The following FRMD4B variants were observed in gnomAD, a reference collection of about 807,000 sequenced individuals.
FRMD4B encodes FERM domain containing 4B.
FRMD4B carries 74 observed loss-of-function variants against 141.5 expected under a neutral mutation model. The ratio of observed to expected loss-of-function variants is 0.52; its 90% CI spans 0.43 to 0.63. The LOEUF (loss-of-function observed/expected upper bound fraction) is 0.63, where lower values mean the gene tolerates loss of function less well. Ranked by LOEUF, FRMD4B falls within the 30% of genes least tolerant of loss-of-function variation. FRMD4B has a pLI of 0.00. For synonymous variants in FRMD4B, 506 were observed against 467.9 expected (o/e 1.08, Z -1.05); for missense variants, 1,366 against 1,253.4 (o/e 1.09, Z -1.36).
chr3:69,177,969 A>T (rs1353937661), intron 21 of FRMD4B, among the ~76,000 whole-genome samples: 3 of 152,182 alleles, frequency 2.0e-5, no homozygotes, highest in Admixed American at 6.5e-5. Flanking sequence ...ACAGGAAGGA[A>T]TTCAGGAAGA....
At position 69,536,418 on chromosome 3, in the gene FRMD4B, C is replaced by A. The variant is rs989939377; in HGVS notation, c.-129+5788G>T. The A allele has an allele frequency of 7.2e-5, 51 of 712,980 alleles. 1 individual carries two copies. Among genetic ancestry groups the A allele is most frequent in the Non-Finnish European group, 1.2e-4 (45 of 388,786 alleles). The allele number at this position is 712,980 out of a possible 1,614,324, so 44.2% of individuals were successfully genotyped here. A position where few individuals can be genotyped will look rare whatever the true frequency, so the allele number is the denominator to read the frequency against. ...TGGCCAGCGCCTGCTTCAGCAGATA[C>A]CTGAAGCGGAGGACGTCCACCGTTG... is the stretch of plus-strand genomic sequence containing the variant. On this transcript the variant is annotated intron_variant, in intron 1 of 5. Coordinates refer to the FRMD4B transcript ENST00000459638.
chr3:69,435,392 T>C (rs1448837546), intron 1 of FRMD4B, among the ~76,000 whole-genome samples: 6 of 152,024 alleles, frequency 3.9e-5, no homozygotes, highest in Admixed American at 3.9e-4. Context: ...GGCCATTTAA[T>C]AAACCTTGGT....
chr3:69,182,977 A>G (rs898945656), intron 19 of FRMD4B, among the ~76,000 whole-genome samples: 10 of 152,228 alleles, frequency 6.6e-5, no homozygotes, highest in African/African-American at 2.4e-4. Flanking sequence ...GAATAAAAAG[A>G]CTCAAAGCAA....
intron 1 of FRMD4B, among the ~76,000 whole-genome samples, chr3:69,475,199 CT>C (rs545261601): frequency 3.3e-5 from 5 of 151,586 alleles, no homozygotes; most frequent in Non-Finnish European, 5.9e-5. Flanking sequence ...TTTTCTTTTT[CT>C]TTTTTTTCTT....
chr3:69,215,002 C>T (rs2093125343), intron 11 of FRMD4B, among the ~76,000 whole-genome samples: 1 of 151,808 alleles, frequency 6.6e-6, no homozygotes, highest in Non-Finnish European at 1.5e-5. Context: ...GCCTCAGCCT[C>T]CCGAGGAGCT....
At chr3:69,427,658 T>TTTTTTTTTTTG (rs1705108818) in intron 2 of FRMD4B, among the ~76,000 whole-genome samples, 1 of 127,032 alleles carries the variant, frequency 7.9e-6, no homozygotes, top group Non-Finnish European at 1.7e-5. Context: ...TTTTTTTTTT[T>TTTTTTTTTTTG]TTTTTTTTTT....
chr3:69,477,112 G>A (rs1436078567), intron 1 of FRMD4B, among the ~76,000 whole-genome samples: 9 of 151,234 alleles, frequency 6.0e-5, no homozygotes, highest in African/African-American at 2.2e-4. Context: ...GGGCTGAGAC[G>A]ATGGGGTTTT....
intron 11 of FRMD4B, chr3:69,200,474 C>T: frequency 1.0e-6 from 1 of 983,440 alleles, no homozygotes; most frequent in Non-Finnish European, 1.2e-6. Flanking sequence ...GTTCTTCCGC[C>T]CTCCCCCCTC....
At chr3:69,304,492 A>AC (rs1559792176) in intron 3 of FRMD4B, among the ~76,000 whole-genome samples, 14 of 150,922 alleles carry the variant, frequency 9.3e-5, no homozygotes, top group African/African-American at 3.0e-4. Context: ...TCAAAAAAAA[A>AC]AAAAAAAAAA....
intron 1 of FRMD4B, among the ~76,000 whole-genome samples, chr3:69,434,438 G>T (rs545181707): frequency 6.6e-6 from 1 of 152,150 alleles, no homozygotes; most frequent in Admixed American, 6.5e-5. Context: ...ACACACAACT[G>T]GTTAGTTCTC....
At chr3:69,349,603 A>T (rs973077574) in intron 1 of FRMD4B, among the ~76,000 whole-genome samples, 1 of 152,162 alleles carries the variant, frequency 6.6e-6, no homozygotes, top group African/African-American at 2.4e-5. Context: ...CCAAAAAAGC[A>T]TGGTACTGGT....
intron 9 of FRMD4B, among the ~76,000 whole-genome samples, chr3:69,219,433 T>C (rs1385662955): frequency 6.6e-6 from 1 of 152,046 alleles, no homozygotes; most frequent in East Asian, 1.9e-4. Flanking sequence ...CAAATGAATA[T>C]AAGAGGTTAA....
intron 17 of FRMD4B, among the ~76,000 whole-genome samples, chr3:69,190,877 G>T (rs757842666): frequency 6.6e-6 from 1 of 152,156 alleles, no homozygotes; most frequent in Non-Finnish European, 1.5e-5. Flanking sequence ...TCGACTATGA[G>T]ACCTTGGGCA....
intron 5 of FRMD4B, among the ~76,000 whole-genome samples, chr3:69,265,267 AAAATATATATATATAT>A (rs1357088467): frequency 2.0e-3 from 48 of 23,682 alleles, no homozygotes; most frequent in South Asian, 3.6e-3. Flanking sequence ...AAAAAAAAAA[AAAATATATATATATAT>A]ATATATATAT....
chr3:69,171,758 G>T lies in FRMD4B; in HGVS notation c.*103C>A. The T allele has an allele frequency of 1.8e-6, 2 of 1,120,324 alleles. No homozygotes were observed. Among genetic ancestry groups the T allele is most frequent in the Non-Finnish European group, 1.3e-6 (1 of 760,770 alleles). The allele number at this position is 1,120,324 out of a possible 1,614,324, so 69.4% of individuals were successfully genotyped here. A position where few individuals can be genotyped will look rare whatever the true frequency, so the allele number is the denominator to read the frequency against. On this transcript the variant is annotated 3_prime_UTR_variant, in exon 23 of 23. Transcript: ENST00000398540. ...CTAAGTCTTCTCTTCAACCTTTGAT[G>T]TCTTTAGGTTTCTAAAACGAACATC... is the stretch of plus-strand genomic sequence containing the variant.
chr3:69,416,375 G>C (rs1055992212), intron 2 of FRMD4B, among the ~76,000 whole-genome samples: 48 of 152,098 alleles, frequency 3.2e-4, no homozygotes, highest in African/African-American at 1.1e-3. Flanking sequence ...TGAATTTCTG[G>C]ACTCAAGTGA....
At chr3:69,197,272 C>T (rs2092917826) in intron 12 of FRMD4B, among the ~76,000 whole-genome samples, 1 of 152,086 alleles carries the variant, frequency 6.6e-6, no homozygotes, top group Non-Finnish European at 1.5e-5. Flanking sequence ...TACACATGAA[C>T]TCAAAAGCTG....
intron 12 of FRMD4B, among the ~76,000 whole-genome samples, chr3:69,197,525 T>A (rs1391806986): frequency 6.8e-6 from 1 of 147,522 alleles, no homozygotes; most frequent in East Asian, 2.0e-4. Context: ...AGTCCAAAAC[T>A]GTCCAGAGTG....
In FRMD4B at chr3:69,450,757, A is replaced by AAAC. The variant is rs556036339; in HGVS notation, c.-128-17999_-128-17997dup. 1.8e-3 allele frequency among the ~76,000 whole-genome samples: 244 copies of AAAC among 133,124 alleles called. 1 individual carries two copies. Among genetic ancestry groups the AAAC allele is most frequent in the Middle Eastern group, 4.0e-3 (1 of 248 alleles). The allele number at this position is 133,124 out of a possible 152,430, so 87.3% of individuals were successfully genotyped here. A position where few individuals can be genotyped will look rare whatever the true frequency, so the allele number is the denominator to read the frequency against. ...CGACAAGAGTGAAACTCCACCTCCA[A>AAAC]AACAACAACAACAACAACAAAACCC... is the stretch of plus-strand genomic sequence containing the variant. On this transcript the variant is annotated intron_variant, in intron 1 of 5. Coordinates refer to the FRMD4B transcript ENST00000459638.
Sources: gnomAD v4.1 joint callset for allele counts (sites outside exome capture counted in the v4.1 genomes callset) on GRCh38, gnomAD v4.1.1 for gene constraint, MANE v1.5 for transcripts, NCBI Gene and HGNC (gene_info 2026-07-23, HGNC 2026-07-21) for gene names.